SLC10A7: variants seen among roughly 807,000 people sequenced by gnomAD.
SLC10A7 encodes the protein solute carrier family 10 member 7.
Under a neutral mutation model 43.2 loss-of-function variants are expected in SLC10A7, and 29 were observed. The observed-to-expected ratio is 0.67, with a 90% CI of 0.50 to 0.92. SLC10A7 has a LOEUF of 0.92. SLC10A7 is among the 40% of genes least tolerant of loss of function. The pLI, the probability that SLC10A7 is intolerant of heterozygous loss-of-function variation, is 0.00. For missense variants in SLC10A7, 295 were observed against 403.2 expected (o/e 0.73, Z 2.30); for synonymous variants, 152 against 144.8 (o/e 1.05, Z -0.35).
chr4:146,260,362 G>A (rs1392208384), intron 10 of SLC10A7, among the ~76,000 whole-genome samples: 3 of 152,148 alleles, frequency 2.0e-5, no homozygotes, highest in African/African-American at 4.8e-5. Context: ...AGACATTGGG[G>A]GATGGGAGTG....
intron 5 of SLC10A7, among the ~76,000 whole-genome samples, chr4:146,390,613 G>A (rs1738358248): frequency 6.6e-6 from 1 of 152,126 alleles, no homozygotes; most frequent in South Asian, 2.1e-4. Flanking sequence ...TCCAGTCTGG[G>A]TGACAAAGCA....
intron 5 of SLC10A7, among the ~76,000 whole-genome samples, chr4:146,435,141 G>T (rs1304317395): frequency 6.6e-6 from 1 of 152,066 alleles, no homozygotes; most frequent in East Asian, 1.9e-4. Context: ...CTTAAAAAAT[G>T]ATTTTTTTAT....
chr4:146,451,382 G>A (rs1385234065), intron 4 of SLC10A7, among the ~76,000 whole-genome samples: 1 of 151,270 alleles, frequency 6.6e-6, no homozygotes, highest in Non-Finnish European at 1.5e-5. Context: ...CATTCTATGA[G>A]GTCAGCATTA....
intron 9 of SLC10A7, among the ~76,000 whole-genome samples, chr4:146,283,533 A>G (rs1729684286): frequency 6.6e-6 from 1 of 152,136 alleles, no homozygotes; most frequent in Admixed American, 6.6e-5. Context: ...CTGGAGCAGG[A>G]CTGATTATAA....
chr4:146,418,512 T>C (rs1728732372), intron 5 of SLC10A7, among the ~76,000 whole-genome samples: 1 of 152,232 alleles, frequency 6.6e-6, no homozygotes, highest in Non-Finnish European at 1.5e-5. Context: ...CTTATAGTAT[T>C]TTCAAAAGTG....
At chr4:146,321,596 T>G (rs113344235) in intron 6 of SLC10A7, among the ~76,000 whole-genome samples, 5 of 152,144 alleles carry the variant, frequency 3.3e-5, no homozygotes, top group Non-Finnish European at 7.4e-5. Context: ...TTTTATGGAA[T>G]GTGTTCATAT....
intron 4 of SLC10A7, among the ~76,000 whole-genome samples, chr4:146,447,199 T>C (rs771112626): frequency 3.9e-5 from 6 of 152,174 alleles, no homozygotes; most frequent in Non-Finnish European, 8.8e-5. Context: ...CGAGATCAGA[T>C]GAGATTGGGC....
At chr4:146,476,089 C>T (rs1052174695) in intron 4 of SLC10A7, among the ~76,000 whole-genome samples, 1 of 152,026 alleles carries the variant, frequency 6.6e-6, no homozygotes, top group Non-Finnish European at 1.5e-5. Context: ...ACAGAATTAA[C>T]ACCTAAAAGA....
chr4:146,283,845 T>G (rs1437101154), intron 9 of SLC10A7, among the ~76,000 whole-genome samples: 1 of 152,094 alleles, frequency 6.6e-6, no homozygotes, highest in Non-Finnish European at 1.5e-5. Context: ...ATGAGAAAAC[T>G]GAGGCACACA....
At chr4:146,342,198 A>C (rs1734313272) in intron 5 of SLC10A7, among the ~76,000 whole-genome samples, 1 of 151,838 alleles carries the variant, frequency 6.6e-6, no homozygotes, top group Admixed American at 6.6e-5. Context: ...CCATAAAAGA[A>C]TATATAAGCA....
intron 9 of SLC10A7, among the ~76,000 whole-genome samples, chr4:146,291,507 T>C (rs951876983): frequency 1.5e-4 from 23 of 152,224 alleles, no homozygotes; most frequent in African/African-American, 5.5e-4. Flanking sequence ...ATAAACAGCA[T>C]AGGCTCTTTC....
intron 4 of SLC10A7, among the ~76,000 whole-genome samples, chr4:146,451,240 A>AAAAC (rs1731571350): frequency 6.8e-6 from 1 of 148,100 alleles, no homozygotes; most frequent in Non-Finnish European, 1.5e-5. Flanking sequence ...CCAAAAAAAA[A>AAAAC]AAAAAAAAAA....
intron 5 of SLC10A7, among the ~76,000 whole-genome samples, chr4:146,418,261 T>G (rs1283529923): frequency 6.6e-6 from 1 of 152,154 alleles, no homozygotes; most frequent in East Asian, 1.9e-4. Context: ...TTGCTAATAA[T>G]TATGAGTGTG....
chr4:146,509,775 A>AAAT (rs1737281978), intron 3 of SLC10A7, 138 bp downstream of exon 3: 1 of 688,482 alleles, frequency 1.5e-6, no homozygotes, highest in Non-Finnish European at 2.2e-6. Flanking sequence ...TATTGTTTTA[A>AAAT]AGGAAAACAA....
intron 4 of SLC10A7, among the ~76,000 whole-genome samples, chr4:146,462,284 T>A (rs1237241797): frequency 1.3e-5 from 2 of 152,112 alleles, no homozygotes; most frequent in African/African-American, 4.8e-5. Context: ...ATAGCTGATG[T>A]TTAAAACAAG....
At chr4:146,383,960 T>A (rs906308896) in intron 5 of SLC10A7, among the ~76,000 whole-genome samples, 1 of 152,290 alleles carries the variant, frequency 6.6e-6, no homozygotes, top group Admixed American at 6.5e-5. Flanking sequence ...ATTCAACTGC[T>A]GGCACTGATT....
At chr4:146,495,289 G>C (rs558911754) in intron 4 of SLC10A7, among the ~76,000 whole-genome samples, 1 of 152,334 alleles carries the variant, frequency 6.6e-6, no homozygotes, top group South Asian at 2.1e-4. Context: ...GCAAAGAACA[G>C]AAAGGCCAAG....
At chr4:146,476,578 A>G (rs1467773787) in intron 4 of SLC10A7, among the ~76,000 whole-genome samples, 2 of 152,146 alleles carry the variant, frequency 1.3e-5, no homozygotes, top group African/African-American at 2.4e-5. Flanking sequence ...AAACGTAAAC[A>G]GCACCCTGAG....
intron 5 of SLC10A7, among the ~76,000 whole-genome samples, chr4:146,338,515 G>C (rs1363184711): frequency 6.6e-6 from 1 of 151,980 alleles, no homozygotes; most frequent in Non-Finnish European, 1.5e-5. Context: ...TACTGGATAG[G>C]AGTTCTTTAA....
Sources: gnomAD v4.1 joint callset for allele counts (sites outside exome capture counted in the v4.1 genomes callset) on GRCh38, gnomAD v4.1.1 for gene constraint, MANE v1.5 for transcripts, NCBI Gene and HGNC (gene_info 2026-07-23, HGNC 2026-07-21) for gene names.